GALNT17: variants seen among roughly 807,000 people sequenced by gnomAD.
GALNT17 encodes polypeptide N-acetylgalactosaminyltransferase 17, also known as UDP-GalNAc:polypeptide N-acetylgalactosaminyltransferase-like 3.
GALNT17 carries 29 observed loss-of-function variants against 63.7 expected under a neutral mutation model. That is an observed-to-expected ratio of 0.46 (90% CI 0.34 to 0.62). The LOEUF (loss-of-function observed/expected upper bound fraction) is 0.62. Among genes scored for constraint, GALNT17 ranks in the 20% least tolerant of loss-of-function variants. GALNT17 has a pLI of 0.01. For missense variants in GALNT17, 603 were observed against 799.6 expected, an observed-to-expected ratio of 0.75 and a Z score of 2.97; for synonymous variants, 305 against 318.3, an observed-to-expected ratio of 0.96 and a Z score of 0.45.
At chr7:71,440,819 C>G (rs192825088) in intron 5 of GALNT17, among the ~76,000 whole-genome samples, 1 of 152,140 alleles carries the variant, frequency 6.6e-6, no homozygotes, top group Non-Finnish European at 1.5e-5. Context: ...TTTACCTAGT[C>G]TCTCCAGTAG....
intron 5 of GALNT17, among the ~76,000 whole-genome samples, chr7:71,529,671 T>C (rs1788682525): frequency 6.6e-6 from 1 of 152,208 alleles, no homozygotes; most frequent in East Asian, 1.9e-4. Context: ...TCAAGTAGCA[T>C]TCTTTATTTT....
intron 1 of GALNT17, among the ~76,000 whole-genome samples, chr7:71,241,559 T>C (rs2116468384): frequency 6.6e-6 from 1 of 152,328 alleles, no homozygotes; most frequent in Middle Eastern, 3.4e-3. Flanking sequence ...TGCTTTACTC[T>C]TCCCTTTCCT....
At chr7:71,508,898 G>A (rs560933195) in intron 5 of GALNT17, among the ~76,000 whole-genome samples, 2 of 152,246 alleles carry the variant, frequency 1.3e-5, no homozygotes, top group East Asian at 3.9e-4. Flanking sequence ...CCCTGGACAC[G>A]TTCTTGTGCG....
intron 5 of GALNT17, among the ~76,000 whole-genome samples, chr7:71,481,596 T>C (rs1295422874): frequency 6.6e-6 from 1 of 152,064 alleles, no homozygotes; most frequent in East Asian, 1.9e-4. Context: ...ATGTGGAAGG[T>C]GCAGGGGGAA....
intron 2 of GALNT17, among the ~76,000 whole-genome samples, chr7:71,367,488 G>C (rs537627902): frequency 5.3e-5 from 8 of 152,300 alleles, no homozygotes; most frequent in African/African-American, 1.9e-4. Flanking sequence ...CTTCCCTTCT[G>C]TTTGACATGT....
intron 2 of GALNT17, among the ~76,000 whole-genome samples, chr7:71,374,178 A>G (rs1397163428): frequency 6.6e-6 from 1 of 152,246 alleles, no homozygotes; most frequent in African/African-American, 2.4e-5. Flanking sequence ...TCCTTGATGA[A>G]TAATTCCTTC....
At chr7:71,570,347 T>G (rs1789418905) in intron 5 of GALNT17, among the ~76,000 whole-genome samples, 1 of 152,208 alleles carries the variant, frequency 6.6e-6, no homozygotes, top group Admixed American at 6.5e-5. Context: ...GTTTCCTCCC[T>G]GAGTCTTCTC....
chr7:71,459,057 C>A (rs1449393640), intron 5 of GALNT17, among the ~76,000 whole-genome samples: 1 of 151,814 alleles, frequency 6.6e-6, no homozygotes, highest in Non-Finnish European at 1.5e-5. Flanking sequence ...TGAAGTAGTA[C>A]ATGGGCAGAA....
chr7:71,294,499 C>G (rs1791042407), intron 1 of GALNT17, among the ~76,000 whole-genome samples: 1 of 143,816 alleles, frequency 7.0e-6, no homozygotes, highest in African/African-American at 2.6e-5. Context: ...ACTGCAACCT[C>G]TGCCTCCCAG....
At chr7:71,237,629 G>C (rs550767627) in intron 1 of GALNT17, among the ~76,000 whole-genome samples, 1 of 152,056 alleles carries the variant, frequency 6.6e-6, no homozygotes, top group African/African-American at 2.4e-5. Context: ...AGGCTACTGC[G>C]AGTTATAATC....
chr7:71,339,129 G>A (rs1791963754), intron 2 of GALNT17, among the ~76,000 whole-genome samples: 1 of 152,120 alleles, frequency 6.6e-6, no homozygotes. Flanking sequence ...TCAAAACGAG[G>A]TTACTGGAAA....
At chr7:71,503,570 C>G (rs1052276246) in intron 5 of GALNT17, among the ~76,000 whole-genome samples, 1 of 152,084 alleles carries the variant, frequency 6.6e-6, no homozygotes, top group Non-Finnish European at 1.5e-5. Context: ...ACCCATAGAT[C>G]CAGTTTCCTA....
chr7:71,243,996 G>A (rs1583792534), intron 1 of GALNT17, among the ~76,000 whole-genome samples: 1 of 152,168 alleles, frequency 6.6e-6, no homozygotes, highest in South Asian at 2.1e-4. Flanking sequence ...CAAGAAATTG[G>A]ATTGAGAACT....
intron 5 of GALNT17, among the ~76,000 whole-genome samples, chr7:71,488,741 C>T (rs577047315): frequency 1.6e-4 from 24 of 151,452 alleles, no homozygotes; most frequent in Middle Eastern, 3.4e-3. Context: ...CACCACACCC[C>T]GCTAATTTTT....
At chr7:71,453,165 G>A (rs1043623705) in intron 5 of GALNT17, among the ~76,000 whole-genome samples, 3 of 152,078 alleles carry the variant, frequency 2.0e-5, no homozygotes, top group African/African-American at 7.2e-5. Flanking sequence ...TTTCAGTTGC[G>A]AGTGGCTGCC....
At chr7:71,182,059 C>T (rs910248057) in intron 1 of GALNT17, among the ~76,000 whole-genome samples, 13 of 152,316 alleles carry the variant, frequency 8.5e-5, no homozygotes, top group African/African-American at 2.9e-4. Context: ...CCTGTAGTCT[C>T]AGCTACTCGG....
chr7:71,185,000 T>C (rs868677111), intron 1 of GALNT17, among the ~76,000 whole-genome samples: 5 of 111,166 alleles, frequency 4.5e-5, no homozygotes, highest in South Asian at 7.2e-4. Context: ...TCCTTCCTTC[T>C]TCCTTCCCTC....
At chr7:71,673,679 A>G (rs983732904) in intron 8 of GALNT17, among the ~76,000 whole-genome samples, 5 of 152,338 alleles carry the variant, frequency 3.3e-5, no homozygotes, top group African/African-American at 9.6e-5. Flanking sequence ...CAGTGGCACA[A>G]TCTTGGCTCA....
intron 1 of GALNT17, among the ~76,000 whole-genome samples, chr7:71,277,864 C>T (rs1243114262): frequency 2.0e-5 from 3 of 152,074 alleles, no homozygotes; most frequent in East Asian, 1.9e-4. Context: ...GGCGGTCACC[C>T]GTGAAGAAAA....
Sources: allele counts gnomAD v4.1 joint callset (sites outside exome capture counted in the v4.1 genomes callset), GRCh38; gene constraint gnomAD v4.1.1; transcripts MANE v1.5; gene names NCBI Gene and HGNC (gene_info 2026-07-23, HGNC 2026-07-21).